KLHL5: variants seen among roughly 807,000 people sequenced by gnomAD.
KLHL5 encodes the protein kelch like family member 5, also known as kelch-like protein 5.
KLHL5 carries 48 observed loss-of-function variants against 77.7 expected under a neutral mutation model. That is an observed-to-expected ratio of 0.62 (90% CI 0.49 to 0.79). KLHL5 has a LOEUF of 0.79. KLHL5 is among the 30% of genes least tolerant of loss of function. The pLI, the probability that KLHL5 is intolerant of heterozygous loss-of-function variation, is 0.00. For missense variants in KLHL5, 723 were observed against 859.7 expected (o/e 0.84, Z 1.99); for synonymous variants, 260 against 297.0 (o/e 0.88, Z 1.28).
chr4:39,063,584 A>G (rs1477479814), intron 1 of KLHL5: 2 of 448,592 alleles, frequency 4.5e-6, no homozygotes, highest in Non-Finnish European at 9.0e-6. Flanking sequence ...CTCCAGACTA[A>G]TATAGAGAAT....
At chr4:39,094,764 G>T (rs1720905003) in intron 5 of KLHL5, among the ~76,000 whole-genome samples, 1 of 151,956 alleles carries the variant, frequency 6.6e-6, no homozygotes, top group South Asian at 2.1e-4. Flanking sequence ...AATGGAGGGG[G>T]TTATTTAATA....
At chr4:39,060,883 T>G (rs369197516), upstream of KLHL5, among the ~76,000 whole-genome samples, 4 of 152,334 alleles carry the variant, frequency 2.6e-5, no homozygotes, top group East Asian at 7.7e-4. Context: ...TGCTGCTTGC[T>G]CAAGGCATTT....
intron 1 of KLHL5, 89 bp downstream of exon 1, chr4:39,063,124 T>G (rs1031695536): frequency 2.3e-6 from 2 of 876,640 alleles, no homozygotes; most frequent in African/African-American, 3.4e-5. Context: ...ATTTAAAATC[T>G]GATTATATAT....
chr4:39,121,952 G>A lies in KLHL5; in HGVS notation c.*886G>A, dbSNP rs1266396261. The stretch of plus-strand genomic sequence containing the variant: ...TGGATATCCTTATGTTCTCAAGTCT[G>A]TATCTGCCTCCCCTGCCTTATTTCT... On this transcript the variant is annotated 3_prime_UTR_variant, in exon 11 of 11. Coordinates refer to ENST00000504108, the MANE Select transcript of KLHL5 (RefSeq NM_015990.5). The A allele has an allele frequency of 6.6e-6, 1 of 152,504 alleles. No individual in the cohort carries two copies. Among genetic ancestry groups the A allele is most frequent in the Non-Finnish European group, 1.5e-5 (1 of 67,992 alleles). 9.4% of individuals were successfully genotyped at this position (152,504 alleles called of 1,614,324 possible).
At chr4:39,132,228 G>T in the KLHL5 span, among the ~76,000 whole-genome samples, 2 of 152,164 alleles carry the variant, frequency 1.3e-5, no homozygotes, top group Non-Finnish European at 2.9e-5. Flanking sequence ...CCACAAACCA[G>T]TCTCCCCGGA....
Position 39,081,918 on chromosome 4 carries a change from G to A in KLHL5, c.704-45G>A. The A allele has an allele frequency of 7.4e-7, 1 of 1,358,988 alleles. No individual in the cohort carries two copies. Among genetic ancestry groups the A allele is most frequent in the Non-Finnish European group, 1.0e-6 (1 of 991,406 alleles). 84.2% of individuals were successfully genotyped at this position (1,358,988 alleles called of 1,614,324 possible). A position where few individuals can be genotyped will look rare whatever the true frequency, so the allele number is the denominator to read the frequency against. On this transcript the variant is annotated intron_variant, in intron 3 of 10. Coordinates refer to ENST00000504108, the MANE Select transcript of KLHL5 (RefSeq NM_015990.5). This position sits in a 1 kb window ranked among gnomAD's most constrained non-coding sequence, Gnocchi z 4.3. ...AACATCAATTATTTTATAAAATAAG[G>A]TTAATGTAGTTCCATGGCTAATGGA...
rs111747822 is a variant in KLHL5 at position 39,086,138 on chromosome 4, C to A, written c.901-377C>A. On this transcript the variant is annotated intron_variant, in intron 4 of 10. Transcript: ENST00000504108. ...ATTCTTCAGCACCCACAAATCCAAA[C>A]CGCAAATCCACCCACTTCTGGTGTT... Among the ~76,000 whole-genome samples the A allele has an allele frequency of 1.7e-3, 262 of 152,294 alleles. 1 individual carries two copies. Among genetic ancestry groups the A allele is most frequent in the African/African-American group, 6.0e-3 (248 of 41,558 alleles).
At chr4:39,120,107 T>A (rs1311155943) in intron 10 of KLHL5, 1 of 152,218 alleles carries the variant, frequency 6.6e-6, no homozygotes, top group Admixed American at 6.5e-5. Context: ...TACCCTAACA[T>A]ATATAAGTAC....
the KLHL5 span, among the ~76,000 whole-genome samples, chr4:39,137,413 G>A: frequency 6.6e-6 from 1 of 151,614 alleles, no homozygotes; most frequent in Non-Finnish European, 1.5e-5. Flanking sequence ...TTGAGCCCAG[G>A]AGTTTGAGAC....
At chr4:39,091,299 A>AT (rs199966140) in intron 5 of KLHL5, among the ~76,000 whole-genome samples, 1,531 of 151,608 alleles carry the variant, frequency 0.01, 24 homozygotes, top group African/African-American at 0.035. Context: ...GGTTTTTTAA[A>AT]TTTTTTTGTG....
At chr4:39,048,582 A>G (rs898689174) in intron 1 of KLHL5, among the ~76,000 whole-genome samples, 2 of 150,902 alleles carry the variant, frequency 1.3e-5, no homozygotes, top group Non-Finnish European at 2.9e-5. Context: ...CTGTATCTCA[A>G]CACATGCTTC....
chr4:39,116,420 A>C (rs992380776), intron 10 of KLHL5: 3 of 152,240 alleles, frequency 2.0e-5, no homozygotes. Flanking sequence ...CATGTGCAAG[A>C]GGAGAATGCA....
At chr4:39,048,552 C>T (rs1004668819) in intron 1 of KLHL5, among the ~76,000 whole-genome samples, 5 of 151,432 alleles carry the variant, frequency 3.3e-5, no homozygotes, top group African/African-American at 4.9e-5. Flanking sequence ...TACAAATGGT[C>T]AGTCTCAGGC....
At position 39,062,661 on chromosome 4, in the gene KLHL5, T is replaced by G. The variant is rs561225942; in HGVS notation, c.9T>G (p.Gly3=). 2 of 1,614,204 alleles carry G rather than the reference T, an allele frequency of 1.2e-6. No individual in the cohort carries two copies. Among genetic ancestry groups the G allele is most frequent in the East Asian group, 4.5e-5 (2 of 44,892 alleles). The change falls in exon 1 of 11, where the codon GGT becomes GGG. Residue 3 remains glycine, a synonymous_variant. Transcript: ENST00000504108. ...ACTTGGTTTCTCTGAGGATGTCTGGTTCTCGTAAAGAGTTTGATGTGAAAC... is the reference window on the plus strand; with the variant it reads ...ACTTGGTTTCTCTGAGGATGTCTGGGTCTCGTAAAGAGTTTGATGTGAAAC... The part of the protein sequence containing the change: MS[G]SRKEFDVKQI...
chr4:39,063,098 T>C, intron 1 of KLHL5, 63 bp downstream of exon 1: 1 of 1,161,978 alleles, frequency 8.6e-7, no homozygotes, highest in East Asian at 2.6e-5. Context: ...TGTTTTTAAA[T>C]AATTTAGTAT....
intron 1 of KLHL5, chr4:39,063,586 ATAGAGAATAC>A (rs1189139503): frequency 1.6e-5 from 7 of 448,462 alleles, no homozygotes; most frequent in Non-Finnish European, 3.2e-5. Context: ...CCAGACTAAT[ATAGAGAATAC>A]TAAGTAACAT....
chr4:39,128,353 T>G (rs1022511898), downstream of KLHL5, among the ~76,000 whole-genome samples: 1 of 152,082 alleles, frequency 6.6e-6, no homozygotes, highest in Non-Finnish European at 1.5e-5. Flanking sequence ...GCAGCTTCCT[T>G]GTTCACATGT....
intron 1 of KLHL5, chr4:39,063,783 T>C (rs1027199229): frequency 5.7e-6 from 1 of 175,036 alleles, no homozygotes; most frequent in Non-Finnish European, 1.3e-5. Flanking sequence ...AGAAAGAAAA[T>C]AAGGAAAAAA....
At chr4:39,090,302 T>C (rs1196605082) in intron 5 of KLHL5, among the ~76,000 whole-genome samples, 1 of 152,206 alleles carries the variant, frequency 6.6e-6, no homozygotes, top group Non-Finnish European at 1.5e-5. Flanking sequence ...ACTCTGTTAA[T>C]ATGAAACATT....
Sources: gnomAD v4.1 joint callset for allele counts (sites outside exome capture counted in the v4.1 genomes callset) on GRCh38, gnomAD v4.1.1 for gene constraint, Gnocchi (gnomAD v3.1) non-coding constraint, MANE v1.5 for transcripts, NCBI Gene and HGNC (gene_info 2026-07-23, HGNC 2026-07-21) for gene names.